Variants in ZNF804B observed in about 807,000 individuals in gnomAD.
ZNF804B encodes the protein zinc finger 804B.
ZNF804B carries 80 observed loss-of-function variants against 101.4 expected under a neutral mutation model. The ratio of observed to expected loss-of-function variants is 0.79; its 90% CI spans 0.66 to 0.95. The LOEUF (loss-of-function observed/expected upper bound fraction) is 0.95, where lower values mean the gene tolerates loss of function less well. Among genes scored for constraint, ZNF804B ranks in the 40% least tolerant of loss-of-function variants. The pLI, the probability that ZNF804B is intolerant of heterozygous loss-of-function variation, is 0.00. For missense variants in ZNF804B, 1,673 were observed against 1,561.9 expected (o/e 1.07, Z -1.20); for synonymous variants, 622 against 558.8 (o/e 1.11, Z -1.59).
intron 1 of ZNF804B, among the ~76,000 whole-genome samples, chr7:88,964,281 A>C (rs1793426651): frequency 6.6e-6 from 1 of 151,498 alleles, no homozygotes; most frequent in African/African-American, 2.4e-5. Flanking sequence ...AAATTACCCA[A>C]ATGTCTATCA....
chr7:89,159,240 T>A (rs1423359179), intron 1 of ZNF804B, among the ~76,000 whole-genome samples: 1 of 152,200 alleles, frequency 6.6e-6, no homozygotes, highest in Non-Finnish European at 1.5e-5. Context: ...CATTCTGCCC[T>A]ACTCTCCATC....
intron 1 of ZNF804B, among the ~76,000 whole-genome samples, chr7:88,885,490 A>G (rs930795933): frequency 2.0e-5 from 3 of 151,796 alleles, no homozygotes; most frequent in African/African-American, 4.8e-5. Flanking sequence ...GTAGAACTGT[A>G]TATCATTTTC....
intron 2 of ZNF804B, among the ~76,000 whole-genome samples, chr7:89,318,365 T>TAATA (rs1790763298): frequency 1.3e-5 from 2 of 152,222 alleles, no homozygotes; most frequent in Non-Finnish European, 2.9e-5. Context: ...TTTTAACTTC[T>TAATA]AATAGTGATC....
intron 1 of ZNF804B, among the ~76,000 whole-genome samples, chr7:89,144,706 C>T (rs1790766331): frequency 6.6e-6 from 1 of 151,590 alleles, no homozygotes; most frequent in Non-Finnish European, 1.5e-5. Flanking sequence ...AATGTTTTCA[C>T]TAAAAATTAA....
At chr7:88,844,131 G>T (rs889717021) in intron 1 of ZNF804B, among the ~76,000 whole-genome samples, 1 of 151,978 alleles carries the variant, frequency 6.6e-6, no homozygotes, top group African/African-American at 2.4e-5. Context: ...ATAAATTACA[G>T]ATATGATACC....
intron 1 of ZNF804B, among the ~76,000 whole-genome samples, chr7:88,779,762 G>A (rs2115655895): frequency 6.6e-6 from 1 of 152,188 alleles, no homozygotes; most frequent in Middle Eastern, 3.4e-3. Context: ...CCCTCTCTGT[G>A]CCACCATGAA....
intron 1 of ZNF804B, among the ~76,000 whole-genome samples, chr7:88,873,458 AAGCTCTTTAGTTTAATT>A (rs1289965419): frequency 6.6e-6 from 1 of 152,116 alleles, no homozygotes; most frequent in Non-Finnish European, 1.5e-5. Flanking sequence ...TGCTGTGCAG[AAGCTCTTTAGTTTAATT>A]AGATCCCATT....
chr7:88,862,726 T>C (rs1240654805), intron 1 of ZNF804B, among the ~76,000 whole-genome samples: 1 of 152,220 alleles, frequency 6.6e-6, no homozygotes, highest in Non-Finnish European at 1.5e-5. Context: ...CACCCTCTTG[T>C]AGTTTGTAGG....
chr7:88,769,182 A>C (rs1241784810), intron 1 of ZNF804B, among the ~76,000 whole-genome samples: 1 of 152,208 alleles, frequency 6.6e-6, no homozygotes, highest in Non-Finnish European at 1.5e-5. Flanking sequence ...TTCAATAGAA[A>C]ATAAATAGAT....
At chr7:88,896,862 G>A (rs1201333854) in intron 1 of ZNF804B, among the ~76,000 whole-genome samples, 2 of 152,108 alleles carry the variant, frequency 1.3e-5, no homozygotes, top group Non-Finnish European at 1.5e-5. Flanking sequence ...ATTTGAAAGG[G>A]TATGCTTTGA....
intron 1 of ZNF804B, among the ~76,000 whole-genome samples, chr7:88,857,464 A>G (rs552251074): frequency 6.6e-6 from 1 of 152,322 alleles, no homozygotes; most frequent in African/African-American, 2.4e-5. Flanking sequence ...ACAAACTACC[A>G]TCAGAGAATA....
chr7:88,992,501 A>G (rs923668504), intron 1 of ZNF804B, among the ~76,000 whole-genome samples: 3 of 152,086 alleles, frequency 2.0e-5, no homozygotes, highest in Non-Finnish European at 4.4e-5. Context: ...TGGGTTTTCT[A>G]CTCAGGATGT....
intron 1 of ZNF804B, among the ~76,000 whole-genome samples, chr7:89,138,260 G>A (rs1469069571): frequency 2.0e-5 from 3 of 152,020 alleles, no homozygotes; most frequent in Admixed American, 2.0e-4. Flanking sequence ...GTGAGAAGAG[G>A]GCCATTGTCC....
chr7:89,216,773 T>A (rs1173529442), intron 1 of ZNF804B, among the ~76,000 whole-genome samples: 2 of 152,374 alleles, frequency 1.3e-5, no homozygotes, highest in East Asian at 3.9e-4. Context: ...TTCTGCTTAC[T>A]TTCTTTTCTG....
At position 88,996,203 on chromosome 7, in the gene ZNF804B, C is replaced by A. The variant is rs768638615; in HGVS notation, c.109-221952C>A. Among the ~76,000 whole-genome samples the A allele has an allele frequency of 6.8e-4, 104 of 152,174 alleles. 2 individuals are homozygous for A. The Middle Eastern group carries it at 0.014, about 20-fold the overall frequency. On this transcript the variant is annotated intron_variant, in intron 1 of 3. Coordinates refer to ENST00000333190, the MANE Select transcript of ZNF804B (RefSeq NM_181646.5). ...AAAAATAGGAGATAAAGGAAAATTT[C>A]TCTAACTGTAGATTGTAGGCATTTT...
intron 1 of ZNF804B, among the ~76,000 whole-genome samples, chr7:89,164,092 C>G (rs896294472): frequency 6.6e-6 from 1 of 151,592 alleles, no homozygotes; most frequent in African/African-American, 2.4e-5. Flanking sequence ...TAAAATGTAC[C>G]ACCGAAAATA....
chr7:88,871,431 A>G (rs1457256563), intron 1 of ZNF804B, among the ~76,000 whole-genome samples: 1 of 152,142 alleles, frequency 6.6e-6, no homozygotes, highest in African/African-American at 2.4e-5. Flanking sequence ...ACCTGAAAAT[A>G]GTAGAGGAAA....
intron 1 of ZNF804B, among the ~76,000 whole-genome samples, chr7:88,848,309 G>A (rs1478524367): frequency 1.3e-5 from 2 of 152,186 alleles, no homozygotes; most frequent in African/African-American, 4.8e-5. Context: ...GGGGGCAGAA[G>A]GAGGAGCTGG....
chr7:89,095,609 G>C (rs1011471961), intron 1 of ZNF804B, among the ~76,000 whole-genome samples: 2 of 152,030 alleles, frequency 1.3e-5, no homozygotes, highest in African/African-American at 2.4e-5. Flanking sequence ...AATTTGTGAA[G>C]GTATACATAT....
Sources: gnomAD v4.1 joint callset for allele counts (sites outside exome capture counted in the v4.1 genomes callset) on GRCh38, gnomAD v4.1.1 for gene constraint, MANE v1.5 for transcripts, NCBI Gene and HGNC (gene_info 2026-07-23, HGNC 2026-07-21) for gene names.